The following HSD17B6 variants were observed in gnomAD, a reference collection of about 807,000 sequenced individuals.
The protein encoded by HSD17B6 is 17-beta-hydroxysteroid dehydrogenase type 6.
In HSD17B6, 16 loss-of-function variants were observed where a neutral mutation model predicts 26.4. That is an observed-to-expected ratio of 0.61 (90% CI 0.41 to 0.92). The LOEUF is 0.92. Ranked by LOEUF, HSD17B6 falls within the 40% of genes least tolerant of loss-of-function variation. The pLI is 0.00. For missense variants in HSD17B6, 357 were observed against 386.1 expected (o/e 0.92, Z 0.63); for synonymous variants, 139 against 153.0 (o/e 0.91, Z 0.68).
rs1954726184 is a variant in HSD17B6 at position 56,782,029 on chromosome 12, G to A, written c.369G>A (p.Glu123=). 2.5e-6 allele frequency: 4 copies of A among 1,614,184 alleles called. No homozygotes were observed. Among genetic ancestry groups the A allele is most frequent in the Non-Finnish European group, 1.7e-6 (2 of 1,180,026 alleles). ...AGILTPITLC[E]WLNTEDSMNM... is the part of the protein sequence containing the mutation. Reference sequence around the variant, plus strand: ...TTCTTACACCAATTACCTTATGTGAGTGGCTGAACACTGAGGACTCTATGA... The same window carrying A: ...TTCTTACACCAATTACCTTATGTGAATGGCTGAACACTGAGGACTCTATGA... Residue 123 remains glutamate, a synonymous_variant, in exon 3 of 5, where the codon GAG becomes GAA. Transcript: ENST00000322165.
At chr12:56,768,965 A>G (rs1338924406) in intron 1 of HSD17B6, among the ~76,000 whole-genome samples, 1 of 151,454 alleles carries the variant, frequency 6.6e-6, no homozygotes, top group African/African-American at 2.4e-5. Context: ...TGAAACTGTG[A>G]GAGGATTGCA....
At chr12:56,786,875 CA>C (rs1565925320) in intron 4 of HSD17B6, among the ~76,000 whole-genome samples, 1 of 151,556 alleles carries the variant, frequency 6.6e-6, no homozygotes, top group Non-Finnish European at 1.5e-5. Flanking sequence ...AACAACCAAA[CA>C]AAAAAAGAAA....
chr12:56,764,916 C>T (rs948632622), intron 1 of HSD17B6, among the ~76,000 whole-genome samples: 17 of 152,236 alleles, frequency 1.1e-4, no homozygotes, highest in South Asian at 4.2e-4. Context: ...CCTCTGCCTC[C>T]CAGGTTCAAG....
intron 4 of HSD17B6, chr12:56,786,121 G>A (rs544159132): frequency 4.8e-6 from 1 of 206,440 alleles, no homozygotes; most frequent in South Asian, 1.7e-4. Context: ...CACTTTAAAT[G>A]GCTGAATTTT....
At chr12:56,772,587 T>C (rs1188308768) in intron 1 of HSD17B6, among the ~76,000 whole-genome samples, 1 of 150,484 alleles carries the variant, frequency 6.6e-6, no homozygotes, top group East Asian at 1.9e-4. Context: ...TCCCAGCTAC[T>C]CGGGAGGCTG....
At chr12:56,783,788 C>T (rs1332583923) in intron 3 of HSD17B6, among the ~76,000 whole-genome samples, 1 of 150,740 alleles carries the variant, frequency 6.6e-6, no homozygotes, top group Non-Finnish European at 1.5e-5. Context: ...CCCCTCACCT[C>T]CCGGACGGGG....
chr12:56,773,446 C>T (rs2137907434), intron 1 of HSD17B6, among the ~76,000 whole-genome samples: 1 of 152,312 alleles, frequency 6.6e-6, no homozygotes, highest in South Asian at 2.1e-4. Context: ...GTTTATAGGT[C>T]TCAAGAAGTT....
At chr12:56,767,255 G>A (rs973642485) in intron 1 of HSD17B6, among the ~76,000 whole-genome samples, 2 of 151,970 alleles carry the variant, frequency 1.3e-5, no homozygotes, top group African/African-American at 4.8e-5. Flanking sequence ...GCTCACGCCT[G>A]TAATCCCAGC....
intron 1 of HSD17B6, 59 bp from the exon 2 acceptor site, chr12:56,773,774 TG>T: frequency 6.9e-7 from 1 of 1,440,920 alleles, no homozygotes; most frequent in Non-Finnish European, 9.3e-7. Flanking sequence ...TGGCAAATAC[TG>T]AATAGATATA....
intron 3 of HSD17B6, among the ~76,000 whole-genome samples, chr12:56,783,717 G>A (rs1356213274): frequency 1.4e-5 from 2 of 147,658 alleles, no homozygotes; most frequent in Non-Finnish European, 3.0e-5. Context: ...CCTCCCGGAC[G>A]GGACGGCTGG....
chr12:56,770,010 A>G (rs1206721725), intron 1 of HSD17B6, among the ~76,000 whole-genome samples: 1 of 152,168 alleles, frequency 6.6e-6, no homozygotes, highest in Non-Finnish European at 1.5e-5. Context: ...TAGTCAATAA[A>G]CAGTCAGGTT....
intron 1 of HSD17B6, among the ~76,000 whole-genome samples, chr12:56,764,068 C>CAAAAAAAAAAAAAAAAAAAAAAA (rs71081400): frequency 2.7e-5 from 2 of 74,328 alleles, no homozygotes; most frequent in South Asian, 5.3e-4. Flanking sequence ...GACCGTGTCT[C>CAAAAAAAAAAAAAAAAAAAAAAA]AAAAAAAAAA....
At chr12:56,773,570 A>C (rs1303243473) in intron 1 of HSD17B6, among the ~76,000 whole-genome samples, 1 of 152,228 alleles carries the variant, frequency 6.6e-6, no homozygotes, top group Non-Finnish European at 1.5e-5. Context: ...TACCAAAATC[A>C]TTCCTTCTGT....
rs750021084 is a variant in HSD17B6 at position 56,773,926 on chromosome 12, G to A, written c.74G>A (p.Ser25Asn). Residue 25 changes from serine (S) to asparagine (N), a missense_variant, in exon 2 of 5, where the codon AGC (serine) becomes AAC (asparagine). Coordinates refer to ENST00000322165, the MANE Select transcript of HSD17B6 (RefSeq NM_003725.4). Reference sequence around the variant, plus strand: ...TGGTACCGGGAGAGGCAGGTGGTGAGCCACCTCCAAGACAAGTATGTCTTT... The same window carrying A: ...TGGTACCGGGAGAGGCAGGTGGTGAACCACCTCCAAGACAAGTATGTCTTT... ...LHWYRERQVV[S>N]HLQDKYVFIT... 3 of 1,613,684 alleles carry A rather than the reference G, an allele frequency of 1.9e-6. No individual in the cohort carries two copies. The highest frequency in any genetic ancestry group is 2.5e-6 in the Non-Finnish European group (3 of 1,179,760).
chr12:56,780,682 C>G (rs1185846361), intron 2 of HSD17B6, among the ~76,000 whole-genome samples: 1 of 151,482 alleles, frequency 6.6e-6, no homozygotes, highest in Admixed American at 6.6e-5. Context: ...CACGGTGAAA[C>G]CCCCGTCTCT....
Position 56,787,192 on chromosome 12 carries a change from G to A in HSD17B6, c.804G>A (p.Met268Ile), listed in dbSNP as rs771431835. The A allele has an allele frequency of 6.2e-7, 1 of 1,614,202 alleles. No individual in the cohort carries two copies. The highest frequency in any genetic ancestry group is 1.3e-5 in the African/African-American group (1 of 75,058). Residue 268 changes from methionine to isoleucine, a missense_variant, in exon 5 of 5, where the codon ATG becomes ATA. Physicochemically the swap from Met to Ile is conservative, Grantham distance 10. Coordinates refer to ENST00000322165, the MANE Select transcript of HSD17B6 (RefSeq NM_003725.4). Reference sequence around the variant, plus strand: ...ACCTGAACCTGGTCACTGACTGCATGGAACATGCTCTGACATCGGTGCATC... The same window carrying A: ...ACCTGAACCTGGTCACTGACTGCATAGAACATGCTCTGACATCGGTGCATC... ...STNLNLVTDC[M>I]EHALTSVHPR...
intron 2 of HSD17B6, among the ~76,000 whole-genome samples, chr12:56,778,674 C>CTTTTTTT (rs1159153527): frequency 8.1e-6 from 1 of 122,962 alleles, no homozygotes; most frequent in Non-Finnish European, 1.7e-5. Flanking sequence ...GAGTCTTTTT[C>CTTTTTTT]TTTTTTTTTT....
chr12:56,781,956 G>T lies in HSD17B6; in HGVS notation c.314-18G>T, dbSNP rs972186468. On this transcript the variant is annotated intron_variant, in intron 2 of 4. Coordinates refer to ENST00000322165, the MANE Select transcript of HSD17B6 (RefSeq NM_003725.4). ...TTGCCTGAAACCAAACTCCTGATATGACTTTTAATTGTTTTAGGACTCTGG... is the reference window on the plus strand; with the variant it reads ...TTGCCTGAAACCAAACTCCTGATATTACTTTTAATTGTTTTAGGACTCTGG... 1.2e-6 allele frequency: 2 copies of T among 1,606,474 alleles called. No homozygotes were observed. Among genetic ancestry groups the T allele is most frequent in the South Asian group, 2.2e-5 (2 of 90,032 alleles).
chr12:56,784,891 T>G lies in HSD17B6; in HGVS notation c.611T>G (p.Val204Gly). 3 of 1,614,154 alleles carry G rather than the reference T, an allele frequency of 1.9e-6. No individual in the cohort carries two copies. Among genetic ancestry groups the G allele is most frequent in the Non-Finnish European group, 2.5e-6 (3 of 1,180,008 alleles). ...IQHFGVKISI[V>G]EPGYFRTGMT... ...CATTTTGGGGTGAAAATCAGCATAGTTGAACCTGGCTACTTCAGAACGGGA... is the reference window on the plus strand; with the variant it reads ...CATTTTGGGGTGAAAATCAGCATAGGTGAACCTGGCTACTTCAGAACGGGA... Residue 204 changes from valine to glycine, a missense_variant, in exon 4 of 5, where the codon GTT becomes GGT. Val to Gly is a moderately radical substitution (Grantham distance 109). Transcript: ENST00000322165.
Sources: gnomAD v4.1 joint callset for allele counts (sites outside exome capture counted in the v4.1 genomes callset) on GRCh38, gnomAD v4.1.1 for gene constraint, MANE v1.5 for transcripts, NCBI Gene and HGNC (gene_info 2026-07-23, HGNC 2026-07-21) for gene names.